The following TENM3 variants were observed in gnomAD, a reference collection of about 807,000 sequenced individuals.
TENM3 encodes teneurin-3.
A neutral mutation model predicts 255.1 loss-of-function variants in TENM3; 63 were observed. The observed-to-expected ratio is 0.25, with a 90% confidence interval of 0.20 to 0.30. The LOEUF (loss-of-function observed/expected upper bound fraction) is 0.30, where lower values mean the gene tolerates loss of function less well. TENM3 is among the 10% of genes least tolerant of loss of function. The probability of loss-of-function intolerance (pLI) is 1.00; values close to 1 mark genes in which losing one functional copy is unlikely to be tolerated. For missense variants in TENM3, 2,929 were observed against 3,461.1 expected (o/e 0.85, Z 3.86); for synonymous variants, 1,306 against 1,322.3 (o/e 0.99, Z 0.27).
chr4:182,645,292 G>A (rs189264602), intron 5 of TENM3, among the ~76,000 whole-genome samples: 1 of 152,064 alleles, frequency 6.6e-6, no homozygotes, highest in East Asian at 2.0e-4. Context: ...TTGAAGTATA[G>A]CCCAGTCAGG....
At chr4:182,194,991 G>A (rs1344633411) in intron 1 of TENM3, among the ~76,000 whole-genome samples, 1 of 148,802 alleles carries the variant, frequency 6.7e-6, no homozygotes, top group Non-Finnish European at 1.5e-5. Flanking sequence ...TCACTGCAAG[G>A]CTTATGAAAT....
At chr4:182,242,507 C>T (rs1334856749), upstream of TENM3, among the ~76,000 whole-genome samples, 9 of 152,054 alleles carry the variant, frequency 5.9e-5, no homozygotes, top group African/African-American at 2.2e-4. Context: ...ATGCTTATAA[C>T]CCCAGCCCTT....
intron 3 of TENM3, chr4:182,350,382 T>C (rs1765093089): frequency 6.6e-6 from 1 of 152,244 alleles, no homozygotes; most frequent in Admixed American, 6.5e-5. Flanking sequence ...AAAAATATTT[T>C]ACAGTATATA....
chr4:182,563,321 T>C (rs956417390), intron 3 of TENM3, among the ~76,000 whole-genome samples: 1 of 152,052 alleles, frequency 6.6e-6, no homozygotes, highest in Non-Finnish European at 1.5e-5. Context: ...TCCCAGCTAC[T>C]TGGGATGCTG....
At chr4:182,142,729 G>A (rs1172713207), upstream of TENM3, 1 of 164,838 alleles carries the variant, frequency 6.1e-6, no homozygotes, top group Non-Finnish European at 1.5e-5. Flanking sequence ...CGGGCTCCTA[G>A]CCCTCCACGG....
chr4:181,482,381 C>A, the TENM3 span, among the ~76,000 whole-genome samples: 803 of 152,144 alleles, frequency 5.3e-3, 5 homozygotes, highest in African/African-American at 0.018. Flanking sequence ...GTTCCTGCAA[C>A]CATTGGTTTG....
chr4:181,691,867 A>G, the TENM3 span, among the ~76,000 whole-genome samples: 1 of 152,196 alleles, frequency 6.6e-6, no homozygotes, highest in African/African-American at 2.4e-5. Flanking sequence ...CTCCCAGAGC[A>G]GAAATTAAAT....
the TENM3 span, among the ~76,000 whole-genome samples, chr4:182,036,339 C>T: frequency 8.4e-4 from 128 of 152,146 alleles, no homozygotes; most frequent in African/African-American, 2.8e-3. Context: ...TACAGGCGCC[C>T]GCCACCATGC....
the TENM3 span, among the ~76,000 whole-genome samples, chr4:181,455,779 A>G: frequency 2.0e-5 from 3 of 151,982 alleles, no homozygotes; most frequent in African/African-American, 7.2e-5. Flanking sequence ...GAGGCTCAAG[A>G]TTCTGAAAGT....
At chr4:182,073,892 T>C in the TENM3 span, among the ~76,000 whole-genome samples, 1 of 152,176 alleles carries the variant, frequency 6.6e-6, no homozygotes, top group Non-Finnish European at 1.5e-5. Flanking sequence ...TTCACAGAAT[T>C]GGCACAAAAG....
chr4:181,631,568 G>A, the TENM3 span, among the ~76,000 whole-genome samples: 23 of 152,100 alleles, frequency 1.5e-4, no homozygotes, highest in Non-Finnish European at 1.5e-5. Context: ...CAGATTACAG[G>A]CATGAGCCAC....
At chr4:181,999,308 T>G in the TENM3 span, among the ~76,000 whole-genome samples, 1 of 152,188 alleles carries the variant, frequency 6.6e-6, no homozygotes, top group East Asian at 1.9e-4. Context: ...AGTGGCAAGT[T>G]GTCCTGTAAT....
the TENM3 span, among the ~76,000 whole-genome samples, chr4:181,676,483 G>T: frequency 6.6e-6 from 1 of 151,932 alleles, no homozygotes; most frequent in African/African-American, 2.4e-5. Flanking sequence ...CCAGGTAGTG[G>T]GTATAGTACT....
the TENM3 span, among the ~76,000 whole-genome samples, chr4:181,478,197 T>A: frequency 1.3e-5 from 2 of 152,224 alleles, no homozygotes; most frequent in East Asian, 3.9e-4. Flanking sequence ...GTTTTGCTCA[T>A]GAAAAATCAG....
At chr4:182,252,473 T>G (rs2150122281) in intron 1 of TENM3, among the ~76,000 whole-genome samples, 1 of 152,288 alleles carries the variant, frequency 6.6e-6, no homozygotes, top group East Asian at 1.9e-4. Context: ...ACATGAATAT[T>G]AAAATAAAGA....
chr4:182,095,392 G>A, the TENM3 span, among the ~76,000 whole-genome samples: 1 of 152,208 alleles, frequency 6.6e-6, no homozygotes. Context: ...GTCATTTGCA[G>A]CAACATGGAT....
the TENM3 span, among the ~76,000 whole-genome samples, chr4:181,988,083 T>C: frequency 6.6e-6 from 1 of 152,022 alleles, no homozygotes; most frequent in East Asian, 1.9e-4. Context: ...CCAAAAGAAA[T>C]AGGATCTGTC....
At chr4:181,780,528 G>A in the TENM3 span, among the ~76,000 whole-genome samples, 2 of 152,074 alleles carry the variant, frequency 1.3e-5, no homozygotes, top group Non-Finnish European at 2.9e-5. Context: ...TGTAGATTCT[G>A]GATATTAGCA....
chr4:182,068,318 G>A, the TENM3 span, among the ~76,000 whole-genome samples: 1 of 151,932 alleles, frequency 6.6e-6, no homozygotes, highest in Non-Finnish European at 1.5e-5. Flanking sequence ...ATGGCAGTGG[G>A]AAGTTTGTAA....
Sources: gnomAD v4.1 joint callset for allele counts (sites outside exome capture counted in the v4.1 genomes callset) on GRCh38, gnomAD v4.1.1 for gene constraint, MANE v1.5 for transcripts, NCBI Gene and HGNC (gene_info 2026-07-23, HGNC 2026-07-21) for gene names.